Variants in COL4A2 observed in about 807,000 individuals in gnomAD.
The protein encoded by COL4A2 is collagen type IV alpha 2 chain, also known as collagen alpha-2(IV) chain.
A neutral mutation model predicts 200.2 loss-of-function variants in COL4A2; 99 were observed. The ratio of observed to expected loss-of-function variants is 0.49; its 90% CI spans 0.42 to 0.58. The LOEUF is 0.58. Among genes scored for constraint, COL4A2 ranks in the 20% least tolerant of loss-of-function variants. The pLI is 0.00. For synonymous variants in COL4A2, 897 were observed against 900.6 expected (o/e 1.00, Z 0.07); for missense variants, 1,950 against 2,314.1 (o/e 0.84, Z 3.23).
intron 3 of COL4A2, among the ~76,000 whole-genome samples, chr13:110,338,088 A>G (rs1047257468): frequency 6.6e-6 from 1 of 152,116 alleles, no homozygotes; most frequent in African/African-American, 2.4e-5. Flanking sequence ...CTTGGATCCT[A>G]AGCTGATTTT....
At position 110,397,492 on chromosome 13, in the gene COL4A2, A is replaced by G. The variant is rs377613380; in HGVS notation, c.181-27242A>G. On this transcript the variant is annotated intron_variant, in intron 4 of 47. Transcript: ENST00000360467. ...GATGGATGCACATTTTTCCACTAAT[A>G]AACATTTGAACTTTTTTCAGTTTTT... Among the ~76,000 whole-genome samples the G allele has an allele frequency of 1.0e-3, 152 of 152,336 alleles. 1 individual carries two copies. The highest frequency in any genetic ancestry group is 3.6e-3 in the African/African-American group (149 of 41,574).
chr13:110,510,456 T>C (rs911243418), intron 47 of COL4A2, among the ~76,000 whole-genome samples: 1 of 152,212 alleles, frequency 6.6e-6, no homozygotes, highest in African/African-American at 2.4e-5. Context: ...CTTCTCCAGG[T>C]CAGCCTCTCG....
At chr13:110,440,571 G>C (rs143546039) in intron 16 of COL4A2, among the ~76,000 whole-genome samples, 1,565 of 152,172 alleles carry the variant, frequency 0.01, 21 homozygotes, top group African/African-American at 0.033. Context: ...ACTCCAGCCT[G>C]GGCAACAAGA....
chr13:110,427,245 G>C (rs2139456227), intron 6 of COL4A2, among the ~76,000 whole-genome samples: 1 of 152,276 alleles, frequency 6.6e-6, no homozygotes, highest in South Asian at 2.1e-4. Flanking sequence ...TGCCACCTGT[G>C]CTCAAGCAAT....
At chr13:110,387,222 G>A (rs972675147) in intron 4 of COL4A2, among the ~76,000 whole-genome samples, 2 of 152,160 alleles carry the variant, frequency 1.3e-5, no homozygotes, top group African/African-American at 4.8e-5. Flanking sequence ...CCAGGAGACA[G>A]AGTTAGACTC....
At chr13:110,356,693 T>C (rs1877282332) in intron 3 of COL4A2, among the ~76,000 whole-genome samples, 1 of 152,010 alleles carries the variant, frequency 6.6e-6, no homozygotes, top group African/African-American at 2.4e-5. Flanking sequence ...TCACTTCACA[T>C]GGAATCCAGA....
intron 18 of COL4A2, among the ~76,000 whole-genome samples, chr13:110,448,104 C>T (rs1318476431): frequency 6.6e-6 from 1 of 152,166 alleles, no homozygotes; most frequent in Non-Finnish European, 1.5e-5. Context: ...CATTTCCTGC[C>T]TCATCCATGG....
rs544237643 is a variant in COL4A2 at position 110,512,595 on chromosome 13, G to A, written c.*404G>A. 4.4e-4 allele frequency: 88 copies of A among 198,070 alleles called. No individual in the cohort carries two copies. Among genetic ancestry groups the A allele is most frequent in the African/African-American group, 2.1e-3 (87 of 42,390 alleles). 12.3% of individuals were successfully genotyped at this position (198,070 alleles called of 1,614,324 possible). A position where few individuals can be genotyped will look rare whatever the true frequency, so the allele number is the denominator to read the frequency against. ...GGCAGCCAGCCGTGGCCAGAGGCTC[G>A]AGGGGCTCAGGGCCTCAGGCACCCG... On this transcript the variant is annotated 3_prime_UTR_variant, in exon 48 of 48. Transcript: ENST00000360467.
At chr13:110,315,971 T>G (rs1056538849) in intron 3 of COL4A2, among the ~76,000 whole-genome samples, 26 of 125,392 alleles carry the variant, frequency 2.1e-4, no homozygotes, top group South Asian at 5.2e-4. Flanking sequence ...TTACTGTGGG[T>G]TTTTTTTTCC....
intron 4 of COL4A2, among the ~76,000 whole-genome samples, chr13:110,382,370 T>C (rs1238209438): frequency 2.0e-5 from 3 of 152,226 alleles, no homozygotes; most frequent in Admixed American, 6.5e-5. Flanking sequence ...GAAGTTTTCA[T>C]AGAACAATGT....
intron 28 of COL4A2, among the ~76,000 whole-genome samples, chr13:110,472,607 T>C (rs1418340719): frequency 6.6e-6 from 1 of 152,078 alleles, no homozygotes; most frequent in African/African-American, 2.4e-5. Flanking sequence ...AAGCTATTCT[T>C]TGGGGCTTAT....
intron 28 of COL4A2, among the ~76,000 whole-genome samples, chr13:110,472,344 T>C (rs1475521555): frequency 2.0e-5 from 3 of 152,112 alleles, no homozygotes; most frequent in African/African-American, 7.2e-5. Context: ...CTCGATCTCC[T>C]GACCTCGTGA....
chr13:110,423,687 A>T (rs548390072), intron 4 of COL4A2, among the ~76,000 whole-genome samples: 1 of 152,224 alleles, frequency 6.6e-6, no homozygotes, highest in South Asian at 2.1e-4. Context: ...TCCCAAACCG[A>T]AGCTCTGTCC....
At chr13:110,461,106 G>A (rs1882010006) in intron 22 of COL4A2, among the ~76,000 whole-genome samples, 4 of 152,216 alleles carry the variant, frequency 2.6e-5, no homozygotes, top group Admixed American at 2.6e-4. Flanking sequence ...AGCTAGACGC[G>A]ATTTTCCAGG....
intron 4 of COL4A2, among the ~76,000 whole-genome samples, chr13:110,363,313 G>T (rs972221398): frequency 1.3e-5 from 2 of 152,166 alleles, no homozygotes; most frequent in Non-Finnish European, 2.9e-5. Flanking sequence ...GAGTGCTTAG[G>T]GCAACAAGTT....
chr13:110,340,059 G>T (rs545769909), intron 3 of COL4A2, among the ~76,000 whole-genome samples: 11 of 152,340 alleles, frequency 7.2e-5, no homozygotes, highest in Non-Finnish European at 1.5e-4. Context: ...TGGGCCTCCT[G>T]GTTCACAGAG....
chr13:110,397,084 G>A (rs1258968885), intron 4 of COL4A2, among the ~76,000 whole-genome samples: 4 of 152,168 alleles, frequency 2.6e-5, no homozygotes, highest in Admixed American at 2.0e-4. Flanking sequence ...GCCCGAGCAG[G>A]CCTGCCAAGA....
intron 27 of COL4A2, among the ~76,000 whole-genome samples, chr13:110,468,772 C>A (rs1882349062): frequency 6.6e-6 from 1 of 152,162 alleles, no homozygotes; most frequent in South Asian, 2.1e-4. Flanking sequence ...ACTTCTGGAG[C>A]CCACACACTG....
At chr13:110,509,582 G>GT (rs1884018359) in intron 47 of COL4A2, among the ~76,000 whole-genome samples, 1 of 151,886 alleles carries the variant, frequency 6.6e-6, no homozygotes, top group South Asian at 2.1e-4. Context: ...GGTTGCTCCT[G>GT]TTTTTTTCAC....
Sources: allele counts gnomAD v4.1 joint callset (sites outside exome capture counted in the v4.1 genomes callset), GRCh38; gene constraint gnomAD v4.1.1; transcripts MANE v1.5; gene names NCBI Gene and HGNC (gene_info 2026-07-23, HGNC 2026-07-21).